The following ZNF536 variants were observed in gnomAD, a reference collection of about 807,000 sequenced individuals.
ZNF536 encodes zinc finger protein 536.
Under a neutral mutation model 84.5 loss-of-function variants are expected in ZNF536, and 13 were observed. The ratio of observed to expected loss-of-function variants is 0.15; its 90% CI spans 0.10 to 0.24. ZNF536 has a LOEUF of 0.24. Among genes scored for constraint, ZNF536 ranks in the 10% least tolerant of loss-of-function variants. ZNF536 has a pLI of 1.00. For synonymous variants in ZNF536, 811 were observed against 742.5 expected (o/e 1.09, Z -1.50); for missense variants, 1,536 against 1,747.5 (o/e 0.88, Z 2.16).
intron 1 of ZNF536, among the ~76,000 whole-genome samples, chr19:30,612,290 G>A (rs35268184): frequency 0.46 from 70,216 of 151,924 alleles, 16,561 homozygotes; most frequent in East Asian, 0.71. Flanking sequence ...AATCCAGTAG[G>A]GTGTTGAGAC....
intron 1 of ZNF536, among the ~76,000 whole-genome samples, chr19:30,625,094 C>T (rs1335508437): frequency 3.3e-5 from 5 of 152,142 alleles, no homozygotes; most frequent in Admixed American, 3.3e-4. Context: ...TGAAAATGGA[C>T]TAATATACCA....
intron 1 of ZNF536, among the ~76,000 whole-genome samples, chr19:30,404,734 CG>C (rs1179512007): frequency 6.6e-6 from 1 of 151,296 alleles, no homozygotes; most frequent in Non-Finnish European, 1.5e-5. Context: ...TGTCCGGAGG[CG>C]GGGGGGCTCC....
At chr19:30,625,670 C>T (rs2147183057) in intron 1 of ZNF536, among the ~76,000 whole-genome samples, 1 of 152,292 alleles carries the variant, frequency 6.6e-6, no homozygotes. Flanking sequence ...TCTCCAGGAT[C>T]CCTCATTCAG....
intron 3 of ZNF536, among the ~76,000 whole-genome samples, chr19:30,361,592 G>T (rs1230403137): frequency 1.3e-5 from 2 of 152,192 alleles, no homozygotes; most frequent in East Asian, 3.9e-4. Flanking sequence ...CGTCAAACAC[G>T]CGCCATGGAC....
chr19:30,327,235 A>G (rs767315933), intron 2 of ZNF536, among the ~76,000 whole-genome samples: 3 of 152,188 alleles, frequency 2.0e-5, no homozygotes, highest in African/African-American at 7.2e-5. Flanking sequence ...GTTGAAATTA[A>G]TCCAGGAGGA....
chr19:30,383,725 TTCTTTCTTTCTTTCTTTC>T (rs1326012137), intron 1 of ZNF536, among the ~76,000 whole-genome samples: 6 of 30,948 alleles, frequency 1.9e-4, no homozygotes, highest in African/African-American at 7.9e-4. Flanking sequence ...CTTTCTTTCT[TTCTTTCTTTCTTTCTTTC>T]TCTTTCTTTC....
chr19:30,287,271 A>C (rs966122965), intron 2 of ZNF536, among the ~76,000 whole-genome samples: 4 of 133,444 alleles, frequency 3.0e-5, no homozygotes, highest in Admixed American at 7.7e-5. Context: ...GGATGGATGG[A>C]TTGATGAATG....
Position 30,296,994 on chromosome 19 carries a change from A to T in ZNF536, c.-120+12853A>T, listed in dbSNP as rs187671887. Reference sequence around the variant, plus strand: ...AAAACTTCCAGAAGAAAAGCTTCCTATGAGGTGTTTGAGATGCTCCACGAT... The same window carrying T: ...AAAACTTCCAGAAGAAAAGCTTCCTTTGAGGTGTTTGAGATGCTCCACGAT... On this transcript the variant is annotated intron_variant, in intron 2 of 5. Coordinates refer to the ZNF536 transcript ENST00000585628. 3.9e-5 allele frequency among the ~76,000 whole-genome samples: 6 copies of T among 152,290 alleles called. No individual in the cohort carries two copies. The East Asian group carries it at 1.2e-3, about 29-fold the overall frequency.
At chr19:30,461,187 T>A (rs9304822) in intron 2 of ZNF536, among the ~76,000 whole-genome samples, 46,655 of 151,918 alleles carry the variant, frequency 0.31, 8,290 homozygotes, top group African/African-American at 0.5. Context: ...GTATCAGCGG[T>A]TGTGTAAACT....
At chr19:30,507,909 TTATCTG>T (rs1304892121) in intron 2 of ZNF536, among the ~76,000 whole-genome samples, 1 of 152,144 alleles carries the variant, frequency 6.6e-6, no homozygotes, top group Non-Finnish European at 1.5e-5. Context: ...TCACATTTAG[TTATCTG>T]AGTAATTATT....
At chr19:30,533,322 A>G (rs1285728293) in intron 2 of ZNF536, among the ~76,000 whole-genome samples, 1 of 152,144 alleles carries the variant, frequency 6.6e-6, no homozygotes, top group Non-Finnish European at 1.5e-5. Flanking sequence ...GGAGTTCAAG[A>G]CCAGCCTGGG....
chr19:30,238,445 AC>A (rs2023697810), intron 1 of ZNF536, among the ~76,000 whole-genome samples: 1 of 152,110 alleles, frequency 6.6e-6, no homozygotes, highest in Non-Finnish European at 1.5e-5. Context: ...ACACACACAC[AC>A]ACACACACAC....
intron 1 of ZNF536, among the ~76,000 whole-genome samples, chr19:30,373,601 C>T (rs2048694200): frequency 6.6e-6 from 1 of 152,080 alleles, no homozygotes; most frequent in Non-Finnish European, 1.5e-5. Flanking sequence ...ATAATAGAGC[C>T]TTATAAATGC....
chr19:30,336,317 G>A (rs572172655), intron 2 of ZNF536, among the ~76,000 whole-genome samples: 36 of 152,280 alleles, frequency 2.4e-4, no homozygotes, highest in Non-Finnish European at 3.4e-4. Context: ...TTTCTCCAGC[G>A]CCTGGCACAT....
At chr19:30,368,391 C>T (rs1300571052), upstream of ZNF536, among the ~76,000 whole-genome samples, 2 of 152,232 alleles carry the variant, frequency 1.3e-5, no homozygotes, top group Non-Finnish European at 2.9e-5. Context: ...AATCCTCTCC[C>T]TCCATCTGTC....
At chr19:30,294,549 A>ATGTGTGTGTGTGTG (rs55972417) in intron 2 of ZNF536, among the ~76,000 whole-genome samples, 3 of 145,606 alleles carry the variant, frequency 2.1e-5, no homozygotes, top group African/African-American at 2.5e-5. Flanking sequence ...AGGCCCCAAT[A>ATGTGTGTGTGTGTG]TGTGTGTGTG....
intron 1 of ZNF536, among the ~76,000 whole-genome samples, chr19:30,704,387 C>T (rs949162692): frequency 1.3e-5 from 2 of 152,090 alleles, no homozygotes; most frequent in African/African-American, 4.8e-5. Context: ...TGGTTCACGC[C>T]AGTAATCCCA....
chr19:30,454,624 A>G (rs1302496003), intron 2 of ZNF536, among the ~76,000 whole-genome samples: 1 of 152,236 alleles, frequency 6.6e-6, no homozygotes, highest in East Asian at 1.9e-4. Flanking sequence ...TCCTGCAGCA[A>G]AGCTGCTATG....
chr19:30,569,219 A>G (rs1488943190), intron 1 of ZNF536, among the ~76,000 whole-genome samples: 2 of 152,186 alleles, frequency 1.3e-5, no homozygotes, highest in East Asian at 1.9e-4. Context: ...GTGTTGAGGT[A>G]TATATCACGT....
Sources: allele counts gnomAD v4.1 joint callset (sites outside exome capture counted in the v4.1 genomes callset), GRCh38; gene constraint gnomAD v4.1.1; transcripts MANE v1.5; gene names NCBI Gene and HGNC (gene_info 2026-07-23, HGNC 2026-07-21).